The following RPRD2 variants were observed in gnomAD, a reference collection of about 807,000 sequenced individuals.
RPRD2 encodes regulation of nuclear pre-mRNA domain-containing protein 2.
Under a neutral mutation model 104.4 loss-of-function variants are expected in RPRD2, and 12 were observed. The ratio of observed to expected loss-of-function variants is 0.11; its 90% CI spans 0.07 to 0.19. The LOEUF (loss-of-function observed/expected upper bound fraction) is 0.19, where lower values mean the gene tolerates loss of function less well. Ranked by LOEUF, RPRD2 falls within the 10% of genes least tolerant of loss-of-function variation. The probability of loss-of-function intolerance (pLI) is 1.00; values close to 1 mark genes in which losing one functional copy is unlikely to be tolerated. For synonymous variants in RPRD2, 714 were observed against 684.9 expected (o/e 1.04, Z -0.66); for missense variants, 1,543 against 1,790.1 (o/e 0.86, Z 2.49).
Position 150,388,428 on chromosome 1 carries a change from A to G in RPRD2, c.205+23509A>G, listed in dbSNP as rs587620121. Among the ~76,000 whole-genome samples, 128 of 150,920 alleles carry G rather than the reference A, an allele frequency of 8.5e-4. 1 individual carries two copies. The South Asian group carries it at 0.022, about 26-fold the overall frequency. On this transcript the variant is annotated intron_variant, in intron 1 of 10. Transcript: ENST00000369068. ...TGTATATACACATGTATATATATAC[A>G]TATATACATGTATACACACATATAT...
intron 2 of RPRD2, among the ~76,000 whole-genome samples, chr1:150,439,047 A>G (rs1290682634): frequency 6.6e-6 from 1 of 152,048 alleles, no homozygotes; most frequent in African/African-American, 2.4e-5. Context: ...GTTGGCCAGG[A>G]TGGTCTCGAT....
intron 10 of RPRD2, among the ~76,000 whole-genome samples, chr1:150,468,297 C>T (rs1668405120): frequency 1.3e-5 from 2 of 151,314 alleles, no homozygotes; most frequent in African/African-American, 4.9e-5. Context: ...TGAGACCAGC[C>T]TGGTCAATAT....
In RPRD2 at chr1:150,442,710, G is replaced by A. The variant is rs186854151; in HGVS notation, c.515-521G>A. Among the ~76,000 whole-genome samples the A allele has an allele frequency of 1.2e-4, 18 of 152,270 alleles. 1 individual carries two copies. Among genetic ancestry groups the A allele is most frequent in the African/African-American group, 2.9e-4 (12 of 41,554 alleles). ...TGCATGCTTAGGAACAACAGGAGTC[G>A]TCATTTCAGCCAAAGTTCCACCACA... On this transcript the variant is annotated intron_variant, in intron 4 of 10. Coordinates refer to ENST00000369068, the MANE Select transcript of RPRD2 (RefSeq NM_015203.5).
intron 10 of RPRD2, among the ~76,000 whole-genome samples, chr1:150,468,831 C>T (rs931032789): frequency 2.0e-5 from 3 of 151,576 alleles, no homozygotes; most frequent in African/African-American, 4.9e-5. Context: ...GAGCTATGAT[C>T]GCACCACTGC....
At position 150,364,851 on chromosome 1, in the gene RPRD2, C is replaced by T; in HGVS notation, c.137C>T (p.Ser46Phe). The change falls in exon 1 of 11, where the codon TCT (serine) becomes TTT (phenylalanine). Residue 46 changes from serine to phenylalanine, a missense_variant. By Grantham distance (155) the Ser-to-Phe change is radical. Coordinates refer to ENST00000369068, the MANE Select transcript of RPRD2 (RefSeq NM_015203.5). ...NTMESIQGLSSWCIENKKHHS... is the reference protein window; with the variant it reads ...NTMESIQGLSFWCIENKKHHS... ...ATGGAGTCCATTCAAGGCTTGTCGTCTTGGTGTATAGAGAACAAAAAACAC... is the reference window on the plus strand; with the variant it reads ...ATGGAGTCCATTCAAGGCTTGTCGTTTTGGTGTATAGAGAACAAAAAACAC... 6.2e-7 allele frequency: 1 copy of T among 1,613,958 alleles called. No individual in the cohort carries two copies. The highest frequency in any genetic ancestry group is 8.5e-7 in the Non-Finnish European group (1 of 1,179,816).
chr1:150,412,973 A>T (rs587671665), intron 1 of RPRD2, among the ~76,000 whole-genome samples: 26 of 150,598 alleles, frequency 1.7e-4, no homozygotes, highest in Admixed American at 4.6e-4. Context: ...ATCTTTTCTT[A>T]AAAAAAAAGG....
chr1:150,366,343 G>A (rs188315418), intron 1 of RPRD2, among the ~76,000 whole-genome samples: 2 of 152,280 alleles, frequency 1.3e-5, no homozygotes, highest in African/African-American at 4.8e-5. Flanking sequence ...CCCATGCTTC[G>A]AACTATTTGT....
intron 6 of RPRD2, 111 bp downstream of exon 6, chr1:150,444,488 G>T (rs1553895207): frequency 2.9e-6 from 3 of 1,052,106 alleles, no homozygotes; most frequent in Non-Finnish European, 4.0e-6. Flanking sequence ...GAAAGCAGTT[G>T]TGGCACCTCT....
In RPRD2 at chr1:150,398,407, A is replaced by G. The variant is rs1010112644; in HGVS notation, c.206-19189A>G. ...GAGACGGGGTTTCACTGTGTTAGCC[A>G]GGATGGTCTCGATCTCCTGACCTCG... On this transcript the variant is annotated intron_variant, in intron 1 of 10. Transcript: ENST00000369068. Among the ~76,000 whole-genome samples the G allele has an allele frequency of 2.0e-5, 3 of 152,176 alleles. No individual in the cohort carries two copies. The East Asian group carries it at 5.8e-4, about 30-fold the overall frequency.
intron 7 of RPRD2, among the ~76,000 whole-genome samples, chr1:150,448,637 G>C (rs1666956871): frequency 6.6e-6 from 1 of 152,184 alleles, no homozygotes; most frequent in South Asian, 2.1e-4. Flanking sequence ...AACTATAGTT[G>C]TACTAGAAGT....
intron 1 of RPRD2, among the ~76,000 whole-genome samples, chr1:150,401,219 G>A (rs1662975782): frequency 6.6e-6 from 1 of 151,798 alleles, no homozygotes; most frequent in Admixed American, 6.6e-5. Flanking sequence ...TGGGCATGGT[G>A]ACTCATGCCT....
In RPRD2 at chr1:150,475,095, T is replaced by C. The variant is rs1560235525; in HGVS notation, c.*1761T>C. On this transcript the variant is annotated 3_prime_UTR_variant, in exon 11 of 11. Coordinates refer to ENST00000369068, the MANE Select transcript of RPRD2 (RefSeq NM_015203.5). ...CTGGTCTTAAGCCAACTGTTCTTTC[T>C]TTCCTCGACCCTCTCTGCCCTGTAG... 6.6e-6 allele frequency: 1 copy of C among 152,204 alleles called. No individual in the cohort carries two copies. Among genetic ancestry groups the C allele is most frequent in the Non-Finnish European group, 1.5e-5 (1 of 68,050 alleles). The allele number at this position is 152,204 out of a possible 1,614,324, so 9.4% of individuals were successfully genotyped here. A position where few individuals can be genotyped will look rare whatever the true frequency, so the allele number is the denominator to read the frequency against.
At chr1:150,399,858 A>G (rs1662842369) in intron 1 of RPRD2, among the ~76,000 whole-genome samples, 1 of 152,120 alleles carries the variant, frequency 6.6e-6, no homozygotes, top group Non-Finnish European at 1.5e-5. Context: ...AAAATTTTCA[A>G]AACTATGTTG....
intron 1 of RPRD2, among the ~76,000 whole-genome samples, chr1:150,376,210 A>G (rs1660675671): frequency 1.3e-5 from 2 of 152,146 alleles, no homozygotes; most frequent in Non-Finnish European, 2.9e-5. Context: ...AAATTTTACT[A>G]GTGTTTGATT....
intron 1 of RPRD2, among the ~76,000 whole-genome samples, chr1:150,412,054 C>T (rs1393578514): frequency 6.6e-6 from 1 of 151,942 alleles, no homozygotes; most frequent in South Asian, 2.1e-4. Flanking sequence ...ACCTGTGAGG[C>T]GAAGGTTGCA....
intron 2 of RPRD2, among the ~76,000 whole-genome samples, chr1:150,423,834 C>T (rs1195160959): frequency 3.3e-5 from 5 of 151,582 alleles, no homozygotes; most frequent in African/African-American, 1.2e-4. Context: ...CTCTTATTGC[C>T]CAGGCTGGAG....
At chr1:150,406,166 T>A (rs1013864765) in intron 1 of RPRD2, among the ~76,000 whole-genome samples, 5 of 152,190 alleles carry the variant, frequency 3.3e-5, no homozygotes, top group African/African-American at 1.2e-4. Flanking sequence ...CCACGGTGCT[T>A]GATTAACTGC....
At position 150,472,482 on chromosome 1, in the gene RPRD2, C is replaced by G; in HGVS notation, c.3534C>G (p.Val1178=). The G allele has an allele frequency of 6.2e-7, 1 of 1,613,912 alleles. No homozygotes were observed. The highest frequency in any genetic ancestry group is 8.5e-7 in the Non-Finnish European group (1 of 1,179,864). ...KERAPQFQES[V]GSFRSNSFNS... is the part of the protein sequence containing the mutation. ...GGGCACCTCAATTTCAGGAGAGTGT[C>G]GGCAGCTTTCGTTCCAACAGTTTCA... is the stretch of plus-strand genomic sequence containing the variant. Residue 1178 remains valine (V), a synonymous_variant, in exon 11 of 11, where the codon GTC becomes GTG. Transcript: ENST00000369068.
intron 1 of RPRD2, among the ~76,000 whole-genome samples, chr1:150,408,083 A>G (rs1022300177): frequency 1.2e-4 from 15 of 125,630 alleles, no homozygotes; most frequent in Admixed American, 4.7e-4. Flanking sequence ...CTATGCTTTT[A>G]TTTTTTATAT....
Sources: allele counts gnomAD v4.1 joint callset (sites outside exome capture counted in the v4.1 genomes callset), GRCh38; gene constraint gnomAD v4.1.1; transcripts MANE v1.5; gene names NCBI Gene and HGNC (gene_info 2026-07-23, HGNC 2026-07-21).